Variants in AGBL1 observed in about 807,000 individuals in gnomAD.
The protein encoded by AGBL1 is AGBL carboxypeptidase 1.
In AGBL1, 130 loss-of-function variants were observed where a neutral mutation model predicts 118.9. The ratio of observed to expected loss-of-function variants is 1.09; its 90% CI spans 0.95 to 1.26. The LOEUF (loss-of-function observed/expected upper bound fraction) is 1.26, where lower values mean the gene tolerates loss of function less well. Ranked by LOEUF, AGBL1 falls within the 50% of genes most tolerant of loss-of-function variation. The pLI, the probability that AGBL1 is intolerant of heterozygous loss-of-function variation, is 0.00. For synonymous variants in AGBL1, 555 were observed against 478.9 expected, an observed-to-expected ratio of 1.16 and a Z score of -2.08; for missense variants, 1,584 against 1,298.1, an observed-to-expected ratio of 1.22 and a Z score of -3.38.
chr15:86,357,422 C>A (rs1567215573), intron 17 of AGBL1, among the ~76,000 whole-genome samples: 2 of 151,866 alleles, frequency 1.3e-5, no homozygotes, highest in Non-Finnish European at 2.9e-5. Flanking sequence ...GCTTGATAAC[C>A]CAGATATTAA....
At chr15:86,270,177 CAG>C in intron 14 of AGBL1, 110 bp downstream of exon 14, 1 of 1,423,812 alleles carries the variant, frequency 7.0e-7, no homozygotes, top group Non-Finnish European at 9.3e-7. Context: ...TGAAGTTGGG[CAG>C]AGTTTTGGGT....
chr15:86,574,073 A>G (rs763148489), intron 21 of AGBL1, among the ~76,000 whole-genome samples: 8 of 152,224 alleles, frequency 5.3e-5, no homozygotes, highest in Non-Finnish European at 8.8e-5. Flanking sequence ...AAAGTGAGAG[A>G]CAGGGCAATG....
At chr15:86,623,787 A>G (rs1487608630) in intron 21 of AGBL1, among the ~76,000 whole-genome samples, 1 of 152,142 alleles carries the variant, frequency 6.6e-6, no homozygotes, top group Non-Finnish European at 1.5e-5. Context: ...TTTCTAAATA[A>G]TTTTACAATA....
chr15:86,136,658 A>G (rs2076893332), intron 1 of AGBL1, among the ~76,000 whole-genome samples: 1 of 152,208 alleles, frequency 6.6e-6, no homozygotes. Flanking sequence ...TACTCTTGGT[A>G]CATAATAACT....
At chr15:86,548,098 C>T (rs1194281510) in intron 20 of AGBL1, among the ~76,000 whole-genome samples, 1 of 152,104 alleles carries the variant, frequency 6.6e-6, no homozygotes. Context: ...AGGACCCACT[C>T]ATTTTACAGA....
At chr15:86,817,140 A>T (rs548237634) in intron 22 of AGBL1, among the ~76,000 whole-genome samples, 1 of 151,844 alleles carries the variant, frequency 6.6e-6, no homozygotes, top group African/African-American at 2.4e-5. Context: ...ATACAAAAAA[A>T]ATTAGCCAGG....
intron 5 of AGBL1, 148 bp downstream of exon 5, chr15:86,159,174 G>C (rs1485981801): frequency 2.8e-6 from 2 of 715,994 alleles, no homozygotes; most frequent in East Asian, 5.5e-5. Flanking sequence ...TCCTTTCTCA[G>C]TTTACATCCC....
At chr15:86,184,369 T>C (rs182135491) in intron 5 of AGBL1, among the ~76,000 whole-genome samples, 194 of 152,268 alleles carry the variant, frequency 1.3e-3, no homozygotes, top group Non-Finnish European at 1.9e-3. Flanking sequence ...AGGGCAATTG[T>C]TAAAAGGCTT....
intron 21 of AGBL1, among the ~76,000 whole-genome samples, chr15:86,661,794 T>G (rs924223080): frequency 6.6e-6 from 1 of 152,124 alleles, no homozygotes; most frequent in African/African-American, 2.4e-5. Flanking sequence ...CAGGGCTCCA[T>G]ACCAAGTCAC....
intron 21 of AGBL1, among the ~76,000 whole-genome samples, chr15:86,574,752 A>C (rs1236196024): frequency 1.3e-5 from 2 of 151,006 alleles, no homozygotes; most frequent in African/African-American, 4.9e-5. Context: ...TAATTTTTGT[A>C]TTTTTAGTAG....
At chr15:86,346,449 G>A (rs2080538998) in intron 17 of AGBL1, among the ~76,000 whole-genome samples, 1 of 148,996 alleles carries the variant, frequency 6.7e-6, no homozygotes, top group African/African-American at 2.5e-5. Flanking sequence ...TGGGTTCATG[G>A]CATTCTCCTG....
Position 86,911,802 on chromosome 15 carries a change from C to T in AGBL1, c.*4508C>T, listed in dbSNP as rs2080355482. On this transcript the variant is annotated 3_prime_UTR_variant, in exon 23 of 23. Transcript: ENST00000614907. Reference sequence around the variant, plus strand: ...ACCTTTCTTCTATAAAACTTGTCCTCATCACCCAATGCCAAGTTATATATA... The same window carrying T: ...ACCTTTCTTCTATAAAACTTGTCCTTATCACCCAATGCCAAGTTATATATA... 1.3e-5 allele frequency: 2 copies of T among 152,214 alleles called. No homozygotes were observed. The highest frequency in any genetic ancestry group is 3.2e-3 in the Middle Eastern group (1 of 316). 9.4% of individuals were successfully genotyped at this position (152,214 alleles called of 1,614,324 possible).
intron 21 of AGBL1, among the ~76,000 whole-genome samples, chr15:86,629,253 G>A (rs749064901): frequency 1.2e-4 from 18 of 152,008 alleles, no homozygotes; most frequent in Non-Finnish European, 2.2e-4. Flanking sequence ...GCTTGAGAAA[G>A]TAACAGGAAG....
intron 22 of AGBL1, among the ~76,000 whole-genome samples, chr15:86,798,565 T>C (rs1355379944): frequency 2.0e-5 from 3 of 152,012 alleles, no homozygotes; most frequent in Non-Finnish European, 4.4e-5. Flanking sequence ...AGCAATGAAC[T>C]AGACACTTTA....
At chr15:86,593,813 T>C (rs1321792293) in intron 21 of AGBL1, among the ~76,000 whole-genome samples, 1 of 152,250 alleles carries the variant, frequency 6.6e-6, no homozygotes, top group Non-Finnish European at 1.5e-5. Flanking sequence ...CTGCAGATTA[T>C]ATTTTTCATT....
chr15:86,627,801 A>G (rs1031517307), intron 21 of AGBL1, among the ~76,000 whole-genome samples: 1 of 152,178 alleles, frequency 6.6e-6, no homozygotes, highest in African/African-American at 2.4e-5. Flanking sequence ...AGGGGTTGAG[A>G]AGGATTGAGA....
intron 5 of AGBL1, among the ~76,000 whole-genome samples, chr15:86,184,409 C>G (rs2077596073): frequency 6.6e-6 from 1 of 150,392 alleles, no homozygotes; most frequent in South Asian, 2.1e-4. Flanking sequence ...TATACACGAT[C>G]TATTCCTTAT....
chr15:86,266,865 A>G, intron 12 of AGBL1, 125 bp from the exon 13 acceptor site: 1 of 834,632 alleles, frequency 1.2e-6, no homozygotes, highest in Non-Finnish European at 1.9e-6. Context: ...CCCGCCCTGC[A>G]CTCCAGCCTG....
chr15:86,286,735 G>GTATATATATA lies in AGBL1; in HGVS notation c.2220+6957_2220+6966dup, dbSNP rs535707426. Among the ~76,000 whole-genome samples the GTATATATATA allele has an allele frequency of 4.8e-4, 51 of 106,292 alleles. 4 individuals carry two copies. The Middle Eastern group carries it at 0.036, about 76-fold the overall frequency. 69.7% of individuals were successfully genotyped at this position (106,292 alleles called of 152,430 possible). On this transcript the variant is annotated intron_variant, in intron 16 of 22. Coordinates refer to ENST00000614907, the MANE Select transcript of AGBL1 (RefSeq NM_001386094.1). ...TATATGTGTGTGTGTGTTTGTGTGTGTATATATATATATAAAACTCCATCA... is the reference window on the plus strand; with the variant it reads ...TATATGTGTGTGTGTGTTTGTGTGTGTATATATATATATATATATATATAAAACTCCATCA...
Sources: gnomAD v4.1 joint callset for allele counts (sites outside exome capture counted in the v4.1 genomes callset) on GRCh38, gnomAD v4.1.1 for gene constraint, MANE v1.5 for transcripts, NCBI Gene and HGNC (gene_info 2026-07-23, HGNC 2026-07-21) for gene names.